Variants in PARD6G observed in about 807,000 individuals in gnomAD.
PARD6G encodes the protein partitioning defective 6 homolog gamma.
In PARD6G, 7 loss-of-function variants were observed where a neutral mutation model predicts 10.7. That is an observed-to-expected ratio of 0.66 (90% confidence interval 0.37 to 1.23). The LOEUF (loss-of-function observed/expected upper bound fraction) is 1.23. PARD6G is among the 50% of genes most tolerant of loss of function. PARD6G has a pLI of 0.02. For synonymous variants in PARD6G, 287 were observed against 269.4 expected (o/e 1.07, Z -0.64); for missense variants, 548 against 571.8 (o/e 0.96, Z 0.42).
intron 1 of PARD6G, among the ~76,000 whole-genome samples, chr18:80,234,562 T>C (rs998943049): frequency 2.6e-5 from 4 of 151,890 alleles, no homozygotes; most frequent in Non-Finnish European, 2.9e-5. Flanking sequence ...TGCTGAGTCA[T>C]AGGTAAGATC....
rs556910171 is a variant in PARD6G at position 80,237,334 on chromosome 18, T to G, written c.72+9943A>C. Among the ~76,000 whole-genome samples, 984 of 152,266 alleles carry G rather than the reference T, an allele frequency of 6.5e-3. 13 individuals carry two copies. Among genetic ancestry groups the G allele is most frequent in the Non-Finnish European group, 0.01 (707 of 68,012 alleles). ...TGAAACTGGATCCCTTCCTTACACCTTATACAAAAATTAATTCAAGATGGA... is the reference window on the plus strand; with the variant it reads ...TGAAACTGGATCCCTTCCTTACACCGTATACAAAAATTAATTCAAGATGGA... On this transcript the variant is annotated intron_variant, in intron 1 of 2. Coordinates refer to ENST00000353265, the MANE Select transcript of PARD6G (RefSeq NM_032510.4).
intron 1 of PARD6G, among the ~76,000 whole-genome samples, chr18:80,241,663 C>T (rs1599880264): frequency 1.3e-5 from 2 of 152,272 alleles, no homozygotes; most frequent in East Asian, 1.9e-4. Flanking sequence ...GGGGCAGGGC[C>T]GCAGGGTGTG....
Position 80,189,191 on chromosome 18 carries a change from C to G in PARD6G, c.295+13519G>C, listed in dbSNP as rs2052894933. ...TTGGCAGAAAAGCCCATATTTAGAGCAGACCTCCTTCAGCAATTCCCATGG... is the reference window on the plus strand; with the variant it reads ...TTGGCAGAAAAGCCCATATTTAGAGGAGACCTCCTTCAGCAATTCCCATGG... On this transcript the variant is annotated intron_variant, in intron 2 of 2. Transcript: ENST00000353265. The surrounding 1 kb of genome is among the most constrained non-coding windows in gnomAD (Gnocchi z 5.5). The G allele has an allele frequency of 6.6e-6, 1 of 152,300 alleles. No homozygotes were observed. Among genetic ancestry groups the G allele is most frequent in the Admixed American group, 6.5e-5 (1 of 15,286 alleles). 9.4% of individuals were successfully genotyped at this position (152,300 alleles called of 1,614,324 possible). A position where few individuals can be genotyped will look rare whatever the true frequency, so the allele number is the denominator to read the frequency against.
At chr18:80,234,921 A>G (rs1293608638) in intron 1 of PARD6G, among the ~76,000 whole-genome samples, 1 of 151,864 alleles carries the variant, frequency 6.6e-6, no homozygotes, top group African/African-American at 2.4e-5. Flanking sequence ...AGACTTTAAC[A>G]CCCCACTGTC....
At chr18:80,235,138 T>C (rs1038850134) in intron 1 of PARD6G, among the ~76,000 whole-genome samples, 4 of 151,834 alleles carry the variant, frequency 2.6e-5, no homozygotes, top group Non-Finnish European at 4.4e-5. Context: ...TGTAAAAGAA[T>C]AGAAATTATA....
intron 1 of PARD6G, among the ~76,000 whole-genome samples, chr18:80,213,763 C>A (rs60151444): frequency 0.02 from 3,095 of 151,426 alleles, 94 homozygotes; most frequent in African/African-American, 0.07. Context: ...TCGAGACCAT[C>A]CTGGCTAACA....
intron 1 of PARD6G, among the ~76,000 whole-genome samples, chr18:80,237,558 C>A (rs9675716): frequency 1.3e-5 from 2 of 152,008 alleles, no homozygotes; most frequent in Non-Finnish European, 2.9e-5. Context: ...TCAGAGTGAA[C>A]AGGTAACCTA....
chr18:80,162,888 C>T lies in PARD6G; in HGVS notation c.296-2282G>A, dbSNP rs550359848. Reference sequence around the variant, plus strand: ...AGAGTCCATCTGGTCTGGCTGCTGCCGCAGGTTTGGACTAACCAAGGGCCT... The same window carrying T: ...AGAGTCCATCTGGTCTGGCTGCTGCTGCAGGTTTGGACTAACCAAGGGCCT... On this transcript the variant is annotated intron_variant, in intron 2 of 2. Transcript: ENST00000353265. Among the ~76,000 whole-genome samples the T allele has an allele frequency of 3.1e-3, 466 of 152,236 alleles. 2 individuals carry two copies. The highest frequency in any genetic ancestry group is 6.8e-3 in the Middle Eastern group (2 of 294).
At chr18:80,237,073 G>A (rs1290979986) in intron 1 of PARD6G, among the ~76,000 whole-genome samples, 4 of 152,246 alleles carry the variant, frequency 2.6e-5, no homozygotes, top group African/African-American at 9.6e-5. Context: ...CAAAGCTGGA[G>A]GCATCAAGCT....
intron 2 of PARD6G, among the ~76,000 whole-genome samples, chr18:80,174,918 C>T (rs1460215741): frequency 1.3e-5 from 2 of 152,072 alleles, no homozygotes; most frequent in Non-Finnish European, 2.9e-5. Context: ...CACTGCACTC[C>T]AGCCTGGGCG....
chr18:80,210,445 C>G (rs1355223614), intron 1 of PARD6G, among the ~76,000 whole-genome samples: 2 of 152,190 alleles, frequency 1.3e-5, no homozygotes, highest in African/African-American at 4.8e-5. Context: ...CCAGCAGCCT[C>G]ACAGCCTGGG....
intron 1 of PARD6G, among the ~76,000 whole-genome samples, chr18:80,235,789 A>C (rs912672606): frequency 6.6e-6 from 1 of 152,228 alleles, no homozygotes; most frequent in African/African-American, 2.4e-5. Context: ...CACCCTCCCA[A>C]GACTAAACCA....
At position 80,160,226 on chromosome 18, in the gene PARD6G, C is replaced by T. The variant is rs1476751979; in HGVS notation, c.676G>A (p.Gly226Arg). ...VLEVNGIEVA[G>R]KTLDQVTDMM... ...TCCGTGACCTGGTCCAGCGTCTTCC[C>T]GGCCACCTCAATGCCGTTCACCTCC... is the stretch of plus-strand genomic sequence containing the variant. Residue 226 changes from glycine (G) to arginine (R), a missense_variant, in exon 3 of 3, where the codon GGG becomes AGG. Physicochemically the swap from Gly to Arg is moderately radical, Grantham distance 125. This residue lies in a region of PARD6G where 313 missense variants were observed against 279.9 expected (regional missense o/e 1.12). Transcript: ENST00000353265. The T allele has an allele frequency of 6.2e-6, 10 of 1,613,094 alleles. No individual in the cohort carries two copies. Among genetic ancestry groups the T allele is most frequent in the Non-Finnish European group, 7.6e-6 (9 of 1,179,880 alleles).
At position 80,183,295 on chromosome 18, in the gene PARD6G, G is replaced by A; in HGVS notation, c.295+19415C>T. ...TACAGGCATAGTGGAAAAGTACGCTGACCTTCTCAGTGGCTCTAAAACAAC... is the reference window on the plus strand; with the variant it reads ...TACAGGCATAGTGGAAAAGTACGCTAACCTTCTCAGTGGCTCTAAAACAAC... On this transcript the variant is annotated intron_variant, in intron 2 of 2. Coordinates refer to ENST00000353265, the MANE Select transcript of PARD6G (RefSeq NM_032510.4). This position sits in a 1 kb window ranked among gnomAD's most constrained non-coding sequence, Gnocchi z 4.5. The A allele has an allele frequency of 1.6e-6, 1 of 643,302 alleles. No individual in the cohort carries two copies. Among genetic ancestry groups the A allele is most frequent in the Non-Finnish European group, 2.8e-6 (1 of 355,984 alleles). The allele number at this position is 643,302 out of a possible 1,614,324, so 39.8% of individuals were successfully genotyped here. A position where few individuals can be genotyped will look rare whatever the true frequency, so the allele number is the denominator to read the frequency against.
At chr18:80,190,500 G>A (rs544973498) in intron 2 of PARD6G, among the ~76,000 whole-genome samples, 2 of 152,276 alleles carry the variant, frequency 1.3e-5, no homozygotes, top group East Asian at 3.9e-4. Context: ...TTCCACCCAT[G>A]AGCGCCTGAG....
chr18:80,167,181 G>A (rs7238655), intron 2 of PARD6G, among the ~76,000 whole-genome samples: 38,931 of 152,120 alleles, frequency 0.26, 6,568 homozygotes, highest in Non-Finnish European at 0.38. Flanking sequence ...ATCATGTTGC[G>A]TGTGGACGTG....
At chr18:80,186,098 A>G (rs2052874898) in intron 2 of PARD6G, among the ~76,000 whole-genome samples, 1 of 143,206 alleles carries the variant, frequency 7.0e-6, no homozygotes, top group Non-Finnish European at 1.5e-5. Flanking sequence ...ATACAGTCAC[A>G]TATGCTTGCA....
At position 80,181,816 on chromosome 18, in the gene PARD6G, C is replaced by T. The variant is rs2052850003; in HGVS notation, c.295+20894G>A. On this transcript the variant is annotated intron_variant, in intron 2 of 2. Transcript: ENST00000353265. This position sits in a 1 kb window ranked among gnomAD's most constrained non-coding sequence, Gnocchi z 7.9. ...TGTGCAGAGCATGTGTGGGGACAGG[C>T]AGCTGGATGAAGCACCTCAGAGATC... Among the ~76,000 whole-genome samples, 1 of 152,122 alleles carries T rather than the reference C, an allele frequency of 6.6e-6. No homozygotes were observed. Among genetic ancestry groups the T allele is most frequent in the Admixed American group, 6.5e-5 (1 of 15,270 alleles).
At position 80,160,555 on chromosome 18, in the gene PARD6G, C is replaced by A; in HGVS notation, c.347G>T (p.Arg116Leu). 1.4e-6 allele frequency: 2 copies of A among 1,480,856 alleles called. No individual in the cohort carries two copies. The highest frequency in any genetic ancestry group is 2.4e-5 in the East Asian group (1 of 41,310). The allele number at this position is 1,480,856 out of a possible 1,614,324, so 91.7% of individuals were successfully genotyped here. Residue 116 changes from arginine (R) to leucine (L), a missense_variant, in exon 3 of 3, where the codon CGG becomes CTG. Physicochemically the swap from Arg to Leu is moderately radical, Grantham distance 102. This residue lies in a region of PARD6G where 235 missense variants were observed against 291.9 expected (regional missense o/e 0.81). Transcript: ENST00000353265. ...LGAGSLCRRR[R>L]ALGALRDEGP... ...TTCATCACGCAGCGCGCCCAGCGCC[C>A]GCCTCCGCCTGCACAGCGAGCCCGC...
Sources: gnomAD v4.1 joint callset for allele counts (sites outside exome capture counted in the v4.1 genomes callset) on GRCh38, gnomAD v4.1.1 for gene constraint, gnomAD v4.1.1 regional missense constraint, Gnocchi (gnomAD v3.1) non-coding constraint, MANE v1.5 for transcripts, NCBI Gene and HGNC (gene_info 2026-07-23, HGNC 2026-07-21) for gene names.